PKHD1: variants seen among roughly 807,000 people sequenced by gnomAD.
The protein encoded by PKHD1 is fibrocystin.
PKHD1 carries 291 observed loss-of-function variants against 412.0 expected under a neutral mutation model. That is an observed-to-expected ratio of 0.71 (90% CI 0.64 to 0.78). The LOEUF (loss-of-function observed/expected upper bound fraction) is 0.78, where lower values mean the gene tolerates loss of function less well. Ranked by LOEUF, PKHD1 falls within the 30% of genes least tolerant of loss-of-function variation. The probability of loss-of-function intolerance (pLI) is 0.00; values close to 1 mark genes in which losing one functional copy is unlikely to be tolerated. For missense variants in PKHD1, 4,825 were observed against 4,950.7 expected (o/e 0.97, Z 0.76); for synonymous variants, 1,777 against 1,821.5 (o/e 0.98, Z 0.62).
In PKHD1 at chr6:52,025,175, T is replaced by C; in HGVS notation, c.4635A>G (p.Pro1545=). Residue 1545 remains proline, a synonymous_variant, in exon 32 of 67, where the codon CCA becomes CCG. Transcript: ENST00000371117. ...AAAAAACTGACAGGTAGTGGGGTCCTGGGGCCAAGTCTCTTGTCTGGCACA... is the reference window on the plus strand; with the variant it reads ...AAAAAACTGACAGGTAGTGGGGTCCCGGGGCCAAGTCTCTTGTCTGGCACA... ...HVVCQTRDLA[P]GPHYLSVFYT... 1 of 1,614,186 alleles carries C rather than the reference T, an allele frequency of 6.2e-7. No homozygotes were observed. The highest frequency in any genetic ancestry group is 1.1e-5 in the South Asian group (1 of 91,084).
intron 57 of PKHD1, among the ~76,000 whole-genome samples, chr6:51,749,389 A>C (rs1026556505): frequency 6.6e-6 from 1 of 152,150 alleles, no homozygotes; most frequent in Non-Finnish European, 1.5e-5. Context: ...TTTTATTTGT[A>C]CTGTTTTAAA....
chr6:51,877,305 G>A (rs374006236), intron 46 of PKHD1, among the ~76,000 whole-genome samples: 1 of 72,134 alleles, frequency 1.4e-5, no homozygotes, highest in South Asian at 7.8e-4. Flanking sequence ...AATCAACAGA[G>A]TATACATTTT....
At chr6:51,995,538 C>T (rs1282635003) in intron 35 of PKHD1, among the ~76,000 whole-genome samples, 1 of 152,174 alleles carries the variant, frequency 6.6e-6, no homozygotes, top group African/African-American at 2.4e-5. Context: ...GCTAGTAGAC[C>T]TTTGTTCCTT....
chr6:51,685,014 A>G (rs1464133043), intron 60 of PKHD1, among the ~76,000 whole-genome samples: 2 of 152,124 alleles, frequency 1.3e-5, no homozygotes, highest in Non-Finnish European at 2.9e-5. Flanking sequence ...CATTTCACCA[A>G]CTATAAAATT....
intron 43 of PKHD1, among the ~76,000 whole-genome samples, chr6:51,898,100 A>C (rs1780451605): frequency 6.6e-6 from 1 of 151,568 alleles, no homozygotes; most frequent in Non-Finnish European, 1.5e-5. Context: ...CATTAGACAG[A>C]TCAACGAGAC....
At chr6:52,003,156 G>A (rs1798643232) in intron 35 of PKHD1, among the ~76,000 whole-genome samples, 1 of 152,146 alleles carries the variant, frequency 6.6e-6, no homozygotes, top group African/African-American at 2.4e-5. Context: ...TTAAGAAAAG[G>A]AGAATCTTCC....
chr6:51,987,696 T>G (rs1353726365), intron 35 of PKHD1, among the ~76,000 whole-genome samples: 1 of 151,892 alleles, frequency 6.6e-6, no homozygotes, highest in Non-Finnish European at 1.5e-5. Context: ...CAATCAGTTT[T>G]GTCCTCTCAC....
chr6:51,644,422 T>C (rs1769810045), intron 63 of PKHD1, among the ~76,000 whole-genome samples: 1 of 152,180 alleles, frequency 6.6e-6, no homozygotes, highest in Non-Finnish European at 1.5e-5. Context: ...GGCACGTCTA[T>C]GATTGACTTA....
At chr6:51,635,237 A>G (rs1768377307) in intron 64 of PKHD1, among the ~76,000 whole-genome samples, 1 of 152,010 alleles carries the variant, frequency 6.6e-6, no homozygotes. Flanking sequence ...GCCTAGGGGG[A>G]GATTCTAAAC....
At chr6:51,752,966 G>A (rs1786340127) in intron 57 of PKHD1, among the ~76,000 whole-genome samples, 1 of 152,124 alleles carries the variant, frequency 6.6e-6, no homozygotes, top group Non-Finnish European at 1.5e-5. Context: ...TGCTGAAGAT[G>A]TTTTCTTTGA....
chr6:52,045,149 C>A, intron 24 of PKHD1, 61 bp from the exon 25 acceptor site: 1 of 1,542,884 alleles, frequency 6.5e-7, no homozygotes, highest in Non-Finnish European at 8.9e-7. Context: ...CTCGTCTAAT[C>A]AAATAATAAA....
intron 61 of PKHD1, among the ~76,000 whole-genome samples, chr6:51,656,424 G>T (rs1771862890): frequency 6.6e-6 from 1 of 152,048 alleles, no homozygotes; most frequent in African/African-American, 2.4e-5. Flanking sequence ...CAGGTTGATA[G>T]GTGCAGCAAA....
At chr6:51,906,824 G>A (rs559410559) in intron 40 of PKHD1, among the ~76,000 whole-genome samples, 262 of 152,212 alleles carry the variant, frequency 1.7e-3, no homozygotes, top group Middle Eastern at 6.8e-3. Flanking sequence ...TGTAAGCAAG[G>A]TCAAAGGTTG....
rs140698054 is a variant in PKHD1, at chr6:51,731,115, T to C, written c.10156+13270A>G. ...CTTTTTGTTAAATTTTTCAATACTA[T>C]TGTACTGAAAGGATTAAAGCAGCAA... On this transcript the variant is annotated intron_variant, in intron 60 of 66. Coordinates refer to ENST00000371117, the MANE Select transcript of PKHD1 (RefSeq NM_138694.4). Among the ~76,000 whole-genome samples the C allele has an allele frequency of 5.5e-4, 83 of 152,236 alleles. No individual in the cohort carries two copies. In the Middle Eastern group the frequency reaches 0.014, roughly 25 times the overall value.
At chr6:51,665,934 G>A (rs1773685773) in intron 60 of PKHD1, among the ~76,000 whole-genome samples, 1 of 152,136 alleles carries the variant, frequency 6.6e-6, no homozygotes. Flanking sequence ...TGTAAGCACA[G>A]GTGGAGGTGG....
intron 15 of PKHD1, among the ~76,000 whole-genome samples, chr6:52,059,125 T>A (rs1012734910): frequency 6.6e-6 from 1 of 152,168 alleles, no homozygotes; most frequent in Non-Finnish European, 1.5e-5. Context: ...TACAGCTGCC[T>A]ACATCTCCAC....
intron 46 of PKHD1, among the ~76,000 whole-genome samples, chr6:51,873,972 C>T (rs1182723659): frequency 6.6e-6 from 1 of 152,046 alleles, no homozygotes; most frequent in Non-Finnish European, 1.5e-5. Context: ...GTAATTGAAA[C>T]CACTAGAGAA....
At chr6:51,960,642 T>C (rs1791885473) in intron 35 of PKHD1, among the ~76,000 whole-genome samples, 1 of 152,146 alleles carries the variant, frequency 6.6e-6, no homozygotes, top group Admixed American at 6.5e-5. Context: ...TTTCCCCCTG[T>C]GCCTGGTGCA....
In PKHD1 at chr6:51,891,290, C is replaced by CT. The variant is rs373914033; in HGVS notation, c.6997-4046dup. 2.5e-3 allele frequency among the ~76,000 whole-genome samples: 377 copies of CT among 152,018 alleles called. 3 individuals carry two copies. The highest frequency in any genetic ancestry group is 8.1e-3 in the African/African-American group (337 of 41,490). ...GTTTTTTTGTTTGTTTGTTTGTTTTCTTTTTTGAGATGGAGTTTCACTCTT... is the reference window on the plus strand; with the variant it reads ...GTTTTTTTGTTTGTTTGTTTGTTTTCTTTTTTTGAGATGGAGTTTCACTCTT... On this transcript the variant is annotated intron_variant, in intron 43 of 66. Coordinates refer to ENST00000371117, the MANE Select transcript of PKHD1 (RefSeq NM_138694.4).
Sources: gnomAD v4.1 joint callset for allele counts (sites outside exome capture counted in the v4.1 genomes callset) on GRCh38, gnomAD v4.1.1 for gene constraint, MANE v1.5 for transcripts, NCBI Gene and HGNC (gene_info 2026-07-23, HGNC 2026-07-21) for gene names.